The following GPC5 variants were observed in gnomAD, a reference collection of about 807,000 sequenced individuals.
GPC5 encodes glypican-5.
A neutral mutation model predicts 53.9 loss-of-function variants in GPC5; 47 were observed. That is an observed-to-expected ratio of 0.87 (90% CI 0.69 to 1.11). GPC5 has a LOEUF of 1.11. Ranked by LOEUF, GPC5 falls within the 50% of genes most tolerant of loss-of-function variation. GPC5 has a pLI of 0.00. For synonymous variants in GPC5, 286 were observed against 263.3 expected, an observed-to-expected ratio of 1.09 and a Z score of -0.84; for missense variants, 748 against 713.1, an observed-to-expected ratio of 1.05 and a Z score of -0.56.
At chr13:92,740,895 T>TA (rs1491438878) in intron 7 of GPC5, among the ~76,000 whole-genome samples, 525 of 28,444 alleles carry the variant, frequency 0.018, 4 homozygotes, top group Middle Eastern at 0.067. Flanking sequence ...TATTTATTTA[T>TA]TTATATATAT....
intron 1 of GPC5, among the ~76,000 whole-genome samples, chr13:91,416,312 A>AG (rs1249388009): frequency 6.6e-6 from 1 of 152,198 alleles, no homozygotes; most frequent in African/African-American, 2.4e-5. Context: ...TACTTCTACT[A>AG]GCTGTTTAAT....
At chr13:91,538,664 G>C (rs1886702092) in intron 2 of GPC5, among the ~76,000 whole-genome samples, 1 of 147,050 alleles carries the variant, frequency 6.8e-6, no homozygotes, top group African/African-American at 2.5e-5. Context: ...CTCATTGCAA[G>C]CTCCGCCTCC....
At chr13:91,658,806 T>G (rs946509592) in intron 2 of GPC5, among the ~76,000 whole-genome samples, 6 of 152,188 alleles carry the variant, frequency 3.9e-5, no homozygotes, top group Non-Finnish European at 7.3e-5. Flanking sequence ...GTCATTAATG[T>G]GCAAAGTTAC....
chr13:92,320,948 G>C (rs939259122), intron 7 of GPC5, among the ~76,000 whole-genome samples: 1 of 151,828 alleles, frequency 6.6e-6, no homozygotes, highest in South Asian at 2.1e-4. Flanking sequence ...TAAATCCCTG[G>C]TATTTTATTA....
intron 6 of GPC5, among the ~76,000 whole-genome samples, chr13:92,081,975 A>T (rs2138882058): frequency 1.3e-5 from 2 of 152,300 alleles, no homozygotes; most frequent in South Asian, 4.1e-4. Context: ...TTATAAATAG[A>T]TAGAAAATCA....
In GPC5 at chr13:91,963,951, G is replaced by C. The variant is rs547174075; in HGVS notation, c.1401+55894G>C. Among the ~76,000 whole-genome samples the C allele has an allele frequency of 3.9e-5, 6 of 152,312 alleles. No homozygotes were observed. In the East Asian group the frequency reaches 1.2e-3, roughly 29 times the overall value. On this transcript the variant is annotated intron_variant, in intron 6 of 7. Coordinates refer to ENST00000377067, the MANE Select transcript of GPC5 (RefSeq NM_004466.6). ...ACTAGTTCAACCATTGTGGAAGACAGTGTGGGGATTCCTCAGGGATCTAAA... is the reference window on the plus strand; with the variant it reads ...ACTAGTTCAACCATTGTGGAAGACACTGTGGGGATTCCTCAGGGATCTAAA...
chr13:92,042,876 G>A (rs886909001), intron 6 of GPC5, among the ~76,000 whole-genome samples: 1 of 152,112 alleles, frequency 6.6e-6, no homozygotes, highest in Admixed American at 6.5e-5. Context: ...GAAGTCTAAT[G>A]ACAATGTCTC....
chr13:92,222,322 G>A (rs543210085), intron 7 of GPC5, among the ~76,000 whole-genome samples: 2 of 152,162 alleles, frequency 1.3e-5, no homozygotes, highest in African/African-American at 4.8e-5. Flanking sequence ...TGTTTTTACA[G>A]TTGAGTGATT....
intron 7 of GPC5, among the ~76,000 whole-genome samples, chr13:92,322,620 TC>T (rs1425492300): frequency 1.3e-5 from 2 of 152,166 alleles, no homozygotes; most frequent in Non-Finnish European, 2.9e-5. Context: ...TAGTAGGCAT[TC>T]AATAAATACT....
chr13:92,487,862 AAAGT>A lies in GPC5; in HGVS notation c.1561+342876_1561+342879del, dbSNP rs1489599526. ...TAGTAAAAAAAAAAAAAAAAAAAAGAAAGTAAAACCTATGCTATTACAGGCCAGG... is the reference window on the plus strand; with the variant it reads ...TAGTAAAAAAAAAAAAAAAAAAAAGAAAAACCTATGCTATTACAGGCCAGG... On this transcript the variant is annotated intron_variant, in intron 7 of 7. Transcript: ENST00000377067. Among the ~76,000 whole-genome samples the A allele has an allele frequency of 1.2e-4, 18 of 150,242 alleles. No individual in the cohort carries two copies. The East Asian group carries it at 1.4e-3, about 11-fold the overall frequency.
At chr13:91,751,318 T>C (rs547785613) in intron 4 of GPC5, among the ~76,000 whole-genome samples, 1 of 152,354 alleles carries the variant, frequency 6.6e-6, no homozygotes, top group South Asian at 2.1e-4. Context: ...TAATGAATTA[T>C]TAGTTTTCTT....
intron 2 of GPC5, among the ~76,000 whole-genome samples, chr13:91,587,411 G>A (rs1248784087): frequency 2.0e-5 from 3 of 152,052 alleles, no homozygotes; most frequent in African/African-American, 7.2e-5. Context: ...AGGCATATTT[G>A]TATTGTTGTC....
chr13:92,646,773 T>C (rs1281334913), intron 7 of GPC5, among the ~76,000 whole-genome samples: 1 of 151,098 alleles, frequency 6.6e-6, no homozygotes, highest in Non-Finnish European at 1.5e-5. Flanking sequence ...TTTAATGTTT[T>C]TGATGTATTG....
At chr13:92,664,174 G>T (rs1397976144) in intron 7 of GPC5, among the ~76,000 whole-genome samples, 1 of 152,002 alleles carries the variant, frequency 6.6e-6, no homozygotes, top group South Asian at 2.1e-4. Context: ...TGTGAAAGTT[G>T]TATGTAAGGC....
rs141986972 is a variant in GPC5, at chr13:92,300,858, C to T, written c.1561+155869C>T. On this transcript the variant is annotated intron_variant, in intron 7 of 7. Transcript: ENST00000377067. ...TGCAAAATGTGAGTAACTTTACTTTCGCTACTGTCAGATAAGATTAGCTAA... is the reference window on the plus strand; with the variant it reads ...TGCAAAATGTGAGTAACTTTACTTTTGCTACTGTCAGATAAGATTAGCTAA... 2.2e-4 allele frequency among the ~76,000 whole-genome samples: 33 copies of T among 152,218 alleles called. No individual in the cohort carries two copies. In the East Asian group the frequency reaches 4.6e-3, roughly 21 times the overall value.
chr13:92,777,549 G>A (rs1875864059), intron 7 of GPC5, among the ~76,000 whole-genome samples: 1 of 152,120 alleles, frequency 6.6e-6, no homozygotes, highest in Non-Finnish European at 1.5e-5. Context: ...AAACCTGGGA[G>A]GGGAGGTTGC....
In GPC5 at chr13:92,260,527, G is replaced by C. The variant is rs1329426922; in HGVS notation, c.1561+115538G>C. On this transcript the variant is annotated intron_variant, in intron 7 of 7. Coordinates refer to ENST00000377067, the MANE Select transcript of GPC5 (RefSeq NM_004466.6). Reference sequence around the variant, plus strand: ...CCTTCACTGAGCTCCCTCTGTTCAGGTCTGTGCTCCTTGCCTTACATCCTG... The same window carrying C: ...CCTTCACTGAGCTCCCTCTGTTCAGCTCTGTGCTCCTTGCCTTACATCCTG... 1.3e-5 allele frequency among the ~76,000 whole-genome samples: 2 copies of C among 152,118 alleles called. 1 individual carries two copies. The highest frequency in any genetic ancestry group is 2.9e-5 in the Non-Finnish European group (2 of 68,012).
intron 5 of GPC5, among the ~76,000 whole-genome samples, chr13:91,814,465 A>C (rs1457524250): frequency 1.3e-5 from 2 of 152,318 alleles, no homozygotes; most frequent in East Asian, 1.9e-4. Context: ...GCAGGATATT[A>C]AAATTCATTT....
intron 7 of GPC5, among the ~76,000 whole-genome samples, chr13:92,483,819 A>G (rs1216265122): frequency 1.3e-5 from 2 of 151,836 alleles, no homozygotes; most frequent in African/African-American, 2.4e-5. Flanking sequence ...TTAAAAGCGA[A>G]GACACAAACA....
Sources: allele counts gnomAD v4.1 joint callset (sites outside exome capture counted in the v4.1 genomes callset), GRCh38; gene constraint gnomAD v4.1.1; transcripts MANE v1.5; gene names NCBI Gene and HGNC (gene_info 2026-07-23, HGNC 2026-07-21).